Variants in MAT2B observed in about 807,000 individuals in gnomAD.
MAT2B encodes methionine adenosyltransferase 2 non-catalytic beta subunit.
Under a neutral mutation model 36.1 loss-of-function variants are expected in MAT2B, and 16 were observed. That is an observed-to-expected ratio of 0.44 (90% confidence interval 0.30 to 0.67). The LOEUF (loss-of-function observed/expected upper bound fraction) is 0.67. Among genes scored for constraint, MAT2B ranks in the 30% least tolerant of loss-of-function variants. MAT2B has a pLI of 0.09. For missense variants in MAT2B, 332 were observed against 398.2 expected (o/e 0.83, Z 1.42); for synonymous variants, 148 against 136.9 (o/e 1.08, Z -0.57).
chr5:163,506,074 T>G (rs1227033971), intron 1 of MAT2B, among the ~76,000 whole-genome samples: 1 of 152,198 alleles, frequency 6.6e-6, no homozygotes, highest in Non-Finnish European at 1.5e-5. Flanking sequence ...TTTTCCCCGT[T>G]TATTCATCTT....
In MAT2B at chr5:163,518,233, A is replaced by G. The variant is rs753158391; in HGVS notation, c.875A>G (p.Asn292Ser). 1 of 1,613,116 alleles carries G rather than the reference A, an allele frequency of 6.2e-7. No individual in the cohort carries two copies. The highest frequency in any genetic ancestry group is 1.7e-5 in the Admixed American group (1 of 59,806). ...SPVLGAQRPR[N>S]AQLDCSKLET... ...GTCCTAGGAGCACAACGTCCGAGAA[A>G]TGCTCAGCTTGACTGCTCCAAATTG... Residue 292 changes from asparagine (N) to serine (S), a missense_variant, in exon 7 of 7, where the codon AAT (asparagine) becomes AGT (serine). By Grantham distance (46) the Asn-to-Ser change is conservative. Coordinates refer to ENST00000321757, the MANE Select transcript of MAT2B (RefSeq NM_013283.5).
chr5:163,510,853 A>C (rs927340573), intron 1 of MAT2B, among the ~76,000 whole-genome samples: 2 of 152,188 alleles, frequency 1.3e-5, no homozygotes, highest in African/African-American at 4.8e-5. Flanking sequence ...CCTTGGGTCC[A>C]TCAAAATATG....
At position 163,518,286 on chromosome 5, in the gene MAT2B, C is replaced by T. The variant is rs1363430087; in HGVS notation, c.928C>T (p.Pro310Ser). The stretch of plus-strand genomic sequence containing the variant: ...GACCTTGGGCATTGGCCAACGAACA[C>T]CATTTCGAATTGGAATCAAAGAATC... ...LETLGIGQRT[P>S]FRIGIKESLW... The change falls in exon 7 of 7, where the codon CCA (proline) becomes TCA (serine). Residue 310 changes from proline (P) to serine (S), a missense_variant. Transcript: ENST00000321757. 6.2e-7 allele frequency: 1 copy of T among 1,613,870 alleles called. No individual in the cohort carries two copies. Among genetic ancestry groups the T allele is most frequent in the African/African-American group, 1.3e-5 (1 of 74,994 alleles).
chr5:163,503,103 C>T, upstream of MAT2B: 1 of 384,326 alleles, frequency 2.6e-6, no homozygotes, highest in Non-Finnish European at 4.7e-6. Flanking sequence ...TTAGTTCTAC[C>T]AAATAGTTTT....
intron 3 of MAT2B, 44 bp downstream of exon 3, chr5:163,513,713 G>A: frequency 6.5e-7 from 1 of 1,547,986 alleles, no homozygotes; most frequent in Non-Finnish European, 8.9e-7. Context: ...TTAAGTGATT[G>A]CTGAGTTTTT....
At chr5:163,517,370 A>G (rs1425816845) in intron 5 of MAT2B, 191 bp from the exon 6 acceptor site, 1 of 350,162 alleles carries the variant, frequency 2.9e-6, no homozygotes, top group Non-Finnish European at 5.2e-6. Flanking sequence ...AATTCTAGAA[A>G]TTGCTCTTTT....
At chr5:163,512,439 TA>T (rs1760060710) in intron 2 of MAT2B, 3 of 529,128 alleles carry the variant, frequency 5.7e-6, no homozygotes, top group Non-Finnish European at 3.4e-6. Flanking sequence ...GAGTGCCTTC[TA>T]AGTAATACTT....
At position 163,518,330 on chromosome 5, in the gene MAT2B, T is replaced by C; in HGVS notation, c.972T>C (p.Ile324=). ...AAGAATCACTTTGGCCTTTCCTCAT[T>C]GACAAGAGATGGAGACAAACGGTCT... The part of the protein sequence containing the change: ...GIKESLWPFL[I]DKRWRQTVFH The change falls in exon 7 of 7, where the codon ATT becomes ATC. Residue 324 remains isoleucine, a synonymous_variant. Coordinates refer to ENST00000321757, the MANE Select transcript of MAT2B (RefSeq NM_013283.5). 6.2e-7 allele frequency: 1 copy of C among 1,613,048 alleles called. No homozygotes were observed. Among genetic ancestry groups the C allele is most frequent in the Non-Finnish European group, 8.5e-7 (1 of 1,179,604 alleles).
chr5:163,516,587 T>G lies in MAT2B; in HGVS notation c.596T>G (p.Val199Gly), dbSNP rs960381814. ...VEKLEESAVT[V>G]MFDKVQFSNK... ...AAGCTCGAAGAAAGTGCTGTGACTG[T>G]TATGTTTGATAAAGTGCAGTTCAGC... Residue 199 changes from valine (V) to glycine (G), a missense_variant, in exon 5 of 7, where the codon GTT (valine) becomes GGT (glycine). Physicochemically the swap from Val to Gly is moderately radical, Grantham distance 109. Coordinates refer to ENST00000321757, the MANE Select transcript of MAT2B (RefSeq NM_013283.5). The G allele has an allele frequency of 6.2e-7, 1 of 1,614,078 alleles. No individual in the cohort carries two copies. Among genetic ancestry groups the G allele is most frequent in the Admixed American group, 1.7e-5 (1 of 60,010 alleles).
chr5:163,509,242 G>T (rs1759997465), intron 1 of MAT2B, among the ~76,000 whole-genome samples: 3 of 151,360 alleles, frequency 2.0e-5, no homozygotes. Flanking sequence ...TTAATTCATT[G>T]TTTAGTAACT....
chr5:163,516,525 T>A lies in MAT2B; in HGVS notation c.534T>A (p.Ala178=), dbSNP rs371182015. 1.2e-5 allele frequency: 19 copies of A among 1,613,582 alleles called. No individual in the cohort carries two copies. The highest frequency in any genetic ancestry group is 1.6e-5 in the Non-Finnish European group (19 of 1,179,580). The part of the protein sequence containing the change: ...KAVLENNLGA[A]VLRIPILYGE... ...GCTTTTATTCTTCTCTAGGAGCTGC[T>A]GTTTTGAGGATTCCTATTCTGTATG... Residue 178 remains alanine, a synonymous_variant, in exon 5 of 7, where the codon GCT becomes GCA. Coordinates refer to ENST00000321757, the MANE Select transcript of MAT2B (RefSeq NM_013283.5).
chr5:163,503,413 G>C (rs377672043), upstream of MAT2B: 17 of 1,613,920 alleles, frequency 1.1e-5, no homozygotes, highest in African/African-American at 2.3e-4. Flanking sequence ...AATGCCAGAG[G>C]ACATGGAGCA....
intron 1 of MAT2B, among the ~76,000 whole-genome samples, chr5:163,508,233 G>A (rs1256342616): frequency 2.0e-5 from 3 of 151,916 alleles, no homozygotes; most frequent in African/African-American, 4.8e-5. Context: ...CTTCTAACAA[G>A]CTGCTGGGTT....
chr5:163,518,306 A>C lies in MAT2B; in HGVS notation c.948A>C (p.Lys316Asn), dbSNP rs769847082. The change falls in exon 7 of 7, where the codon AAA becomes AAC. Residue 316 changes from lysine (K) to asparagine (N), a missense_variant. Physicochemically the swap from Lys to Asn is moderately conservative, Grantham distance 94. Transcript: ENST00000321757. ...GQRTPFRIGI[K>N]ESLWPFLIDK... ...GAACACCATTTCGAATTGGAATCAA[A>C]GAATCACTTTGGCCTTTCCTCATTG... 6 of 1,614,076 alleles carry C rather than the reference A, an allele frequency of 3.7e-6. No individual in the cohort carries two copies. The Admixed American group carries it at 5.0e-5, about 13-fold the overall frequency.
In MAT2B at chr5:163,516,704, G is replaced by A. The variant is rs761361206; in HGVS notation, c.713G>A (p.Arg238Lys). 4 of 1,614,024 alleles carry A rather than the reference G, an allele frequency of 2.5e-6. No homozygotes were observed. The highest frequency in any genetic ancestry group is 3.4e-6 in the Non-Finnish European group (4 of 1,180,048). Residue 238 changes from arginine to lysine, a missense_variant, in exon 5 of 7, where the codon AGA (arginine) becomes AAA (lysine). Coordinates refer to ENST00000321757, the MANE Select transcript of MAT2B (RefSeq NM_013283.5). The part of the protein sequence containing the change: ...ATVCRQLAEK[R>K]MLDPSIKGTF... Reference sequence around the variant, plus strand: ...GTGTGCCGGCAGCTAGCAGAGAAGAGAATGCTGGTAAGAAGGATTCCTGAG... The same window carrying A: ...GTGTGCCGGCAGCTAGCAGAGAAGAAAATGCTGGTAAGAAGGATTCCTGAG...
chr5:163,509,570 A>G (rs372873655), intron 1 of MAT2B, among the ~76,000 whole-genome samples: 1 of 152,200 alleles, frequency 6.6e-6, no homozygotes, highest in Non-Finnish European at 1.5e-5. Flanking sequence ...AGAACCACTG[A>G]CCTTAGGAAC....
chr5:163,505,335 C>A (rs923136706), upstream of MAT2B, among the ~76,000 whole-genome samples: 12 of 152,104 alleles, frequency 7.9e-5, no homozygotes, highest in African/African-American at 2.9e-4. Flanking sequence ...CCACTTCAAT[C>A]TTTTCCCGAG....
intron 4 of MAT2B, among the ~76,000 whole-genome samples, chr5:163,514,991 A>AG (rs1199999024): frequency 6.6e-6 from 1 of 152,138 alleles, no homozygotes; most frequent in African/African-American, 2.4e-5. Context: ...GGTCCTCTGG[A>AG]GGGGAGGAAT....
At position 163,514,007 on chromosome 5, in the gene MAT2B, C is replaced by T. The variant is rs1760092009; in HGVS notation, c.526+13C>T. On this transcript the variant is annotated intron_variant, in intron 4 of 6. Coordinates refer to ENST00000321757, the MANE Select transcript of MAT2B (RefSeq NM_013283.5). ...GAGAACAATCTAGGTAAGACCTAATCTATTTAGCCCCTGATTGTTTTTGAA... is the reference window on the plus strand; with the variant it reads ...GAGAACAATCTAGGTAAGACCTAATTTATTTAGCCCCTGATTGTTTTTGAA... The T allele has an allele frequency of 1.3e-6, 2 of 1,595,914 alleles. No individual in the cohort carries two copies. The highest frequency in any genetic ancestry group is 2.7e-5 in the African/African-American group (2 of 74,208).
Sources: allele counts gnomAD v4.1 joint callset (sites outside exome capture counted in the v4.1 genomes callset), GRCh38; gene constraint gnomAD v4.1.1; transcripts MANE v1.5; gene names NCBI Gene and HGNC (gene_info 2026-07-23, HGNC 2026-07-21).